OPCML: variants seen among roughly 807,000 people sequenced by gnomAD.
The protein encoded by OPCML is opioid binding protein/cell adhesion molecule like.
A neutral mutation model predicts 37.8 loss-of-function variants in OPCML; 13 were observed. The observed-to-expected ratio is 0.34, with a 90% CI of 0.22 to 0.55. OPCML has a LOEUF of 0.55. Among genes scored for constraint, OPCML ranks in the 20% least tolerant of loss-of-function variants. OPCML has a pLI of 0.91. For synonymous variants in OPCML, 176 were observed against 168.8 expected (o/e 1.04, Z -0.33); for missense variants, 341 against 435.6 (o/e 0.78, Z 1.93).
At chr11:132,600,036 C>T (rs751937502) in intron 3 of OPCML, among the ~76,000 whole-genome samples, 49 of 152,150 alleles carry the variant, frequency 3.2e-4, no homozygotes, top group Non-Finnish European at 1.0e-4. Flanking sequence ...GTCAAAGATC[C>T]GTTTAAGGGA....
intron 1 of OPCML, among the ~76,000 whole-genome samples, chr11:133,223,972 C>T (rs1192918773): frequency 1.3e-5 from 2 of 152,144 alleles, no homozygotes; most frequent in African/African-American, 4.8e-5. Flanking sequence ...CTTGTAGGCC[C>T]TGGTTTTGGC....
At chr11:133,440,665 T>C (rs969165778) in intron 1 of OPCML, among the ~76,000 whole-genome samples, 1 of 148,744 alleles carries the variant, frequency 6.7e-6, no homozygotes, top group Admixed American at 6.7e-5. Context: ...AGGCAGAGGT[T>C]GCAATGAGCC....
intron 2 of OPCML, among the ~76,000 whole-genome samples, chr11:132,757,170 T>G (rs1190050793): frequency 6.6e-6 from 1 of 151,890 alleles, no homozygotes; most frequent in Non-Finnish European, 1.5e-5. Flanking sequence ...ATGGTGCATA[T>G]GTGCCACATG....
intron 1 of OPCML, among the ~76,000 whole-genome samples, chr11:133,089,914 T>C (rs1229105859): frequency 1.3e-5 from 2 of 152,202 alleles, no homozygotes; most frequent in Non-Finnish European, 2.9e-5. Flanking sequence ...GTTCTAGGTG[T>C]TGGGAATAAA....
At chr11:133,495,088 A>C (rs1947753347) in intron 1 of OPCML, among the ~76,000 whole-genome samples, 2 of 151,880 alleles carry the variant, frequency 1.3e-5, no homozygotes, top group Non-Finnish European at 2.9e-5. Flanking sequence ...ACCGAAGTTC[A>C]TTGTATCATT....
chr11:133,081,192 C>G (rs1948711006), intron 1 of OPCML, among the ~76,000 whole-genome samples: 1 of 152,078 alleles, frequency 6.6e-6, no homozygotes. Context: ...GGAGGTATAC[C>G]CATCCCTTAT....
intron 1 of OPCML, among the ~76,000 whole-genome samples, chr11:133,100,448 C>A (rs1389912325): frequency 2.0e-5 from 3 of 152,016 alleles, no homozygotes; most frequent in Non-Finnish European, 4.4e-5. Flanking sequence ...AGTTATTTTG[C>A]AAATACTGAA....
chr11:133,043,385 C>A (rs1384060902), intron 1 of OPCML, among the ~76,000 whole-genome samples: 1 of 152,194 alleles, frequency 6.6e-6, no homozygotes, highest in East Asian at 1.9e-4. Flanking sequence ...TTTGAGGATG[C>A]CAGGCTGACC....
At chr11:133,118,138 G>T in intron 1 of OPCML, 1 of 794,290 alleles carries the variant, frequency 1.3e-6, no homozygotes, top group Non-Finnish European at 1.5e-6. Flanking sequence ...CTTCTGGACT[G>T]CAGGAACTAC....
intron 4 of OPCML, among the ~76,000 whole-genome samples, chr11:132,484,051 G>A (rs1226382898): frequency 6.6e-6 from 1 of 152,146 alleles, no homozygotes; most frequent in South Asian, 2.1e-4. Context: ...GGCAACAAAA[G>A]CCAAAATTGA....
chr11:133,415,216 A>G (rs1026092859), intron 1 of OPCML, among the ~76,000 whole-genome samples: 6 of 152,040 alleles, frequency 3.9e-5, no homozygotes, highest in African/African-American at 1.4e-4. Flanking sequence ...GAGACCATCC[A>G]GACTAACATG....
chr11:133,393,287 G>T (rs1945213312), intron 1 of OPCML, among the ~76,000 whole-genome samples: 1 of 152,150 alleles, frequency 6.6e-6, no homozygotes, highest in Non-Finnish European at 1.5e-5. Flanking sequence ...ATAAAACAAG[G>T]TTATGTATTG....
At chr11:133,007,795 CAT>C in intron 1 of OPCML, 1 of 985,430 alleles carries the variant, frequency 1.0e-6, no homozygotes, top group Non-Finnish European at 1.2e-6. Context: ...GCACATGTAT[CAT>C]ATCTCCTTGT....
At chr11:133,006,155 C>G (rs1947106870) in intron 1 of OPCML, 1 of 980,632 alleles carries the variant, frequency 1.0e-6, no homozygotes, top group Non-Finnish European at 1.2e-6. Context: ...GAAGCTCCAA[C>G]CTACTGAGGT....
At chr11:133,381,106 G>T (rs969577023) in intron 1 of OPCML, among the ~76,000 whole-genome samples, 1 of 152,232 alleles carries the variant, frequency 6.6e-6, no homozygotes, top group Non-Finnish European at 1.5e-5. Flanking sequence ...GACAGGCTCC[G>T]CATGAAGAGC....
intron 2 of OPCML, among the ~76,000 whole-genome samples, chr11:132,857,824 T>C (rs1366378071): frequency 1.3e-5 from 2 of 152,320 alleles, no homozygotes; most frequent in Non-Finnish European, 2.9e-5. Flanking sequence ...TGTGGAAGTA[T>C]TGCTGCATAT....
intron 2 of OPCML, among the ~76,000 whole-genome samples, chr11:132,854,579 G>T (rs1283857100): frequency 6.6e-6 from 1 of 152,174 alleles, no homozygotes; most frequent in South Asian, 2.1e-4. Context: ...AGGACTCTTA[G>T]CACTGAAGAG....
At chr11:133,282,896 C>T (rs1942197284) in intron 1 of OPCML, among the ~76,000 whole-genome samples, 1 of 152,174 alleles carries the variant, frequency 6.6e-6, no homozygotes, top group Non-Finnish European at 1.5e-5. Context: ...TTGTGTGTGG[C>T]CTACTGCCCC....
intron 2 of OPCML, among the ~76,000 whole-genome samples, chr11:132,703,867 G>A (rs977570526): frequency 1.3e-5 from 2 of 152,194 alleles, no homozygotes; most frequent in African/African-American, 4.8e-5. Context: ...CTAGCCTGGT[G>A]CTGAGGCAGG....
Sources: allele counts gnomAD v4.1 joint callset (sites outside exome capture counted in the v4.1 genomes callset), GRCh38; gene constraint gnomAD v4.1.1; transcripts MANE v1.5; gene names NCBI Gene and HGNC (gene_info 2026-07-23, HGNC 2026-07-21).